The following EYS variants were observed in gnomAD, a reference collection of about 807,000 sequenced individuals.
EYS encodes the protein EGF-like photoreceptor maintenance factor.
Under a neutral mutation model 282.1 loss-of-function variants are expected in EYS, and 250 were observed. The observed-to-expected ratio is 0.89, with a 90% CI of 0.80 to 0.98. The LOEUF (loss-of-function observed/expected upper bound fraction) is 0.98. EYS is among the 50% of genes least tolerant of loss of function. The pLI, the probability that EYS is intolerant of heterozygous loss-of-function variation, is 0.00. For synonymous variants in EYS, 1,355 were observed against 1,282.9 expected, an observed-to-expected ratio of 1.06 and a Z score of -1.20; for missense variants, 4,016 against 3,709.0, an observed-to-expected ratio of 1.08 and a Z score of -2.15.
At chr6:65,139,151 A>ATCCG (rs775942500) in intron 12 of EYS, among the ~76,000 whole-genome samples, 4 of 152,110 alleles carry the variant, frequency 2.6e-5, no homozygotes, top group Non-Finnish European at 5.9e-5. Flanking sequence ...TCGCAGCACT[A>ATCCG]TTCACAATAG....
intron 33 of EYS, among the ~76,000 whole-genome samples, chr6:64,011,149 G>A (rs892422896): frequency 3.3e-5 from 5 of 151,756 alleles, no homozygotes; most frequent in Non-Finnish European, 5.9e-5. Context: ...TTGCTGCTTT[G>A]CATATTTGTC....
intron 2 of EYS, among the ~76,000 whole-genome samples, chr6:65,604,004 G>T (rs1168470225): frequency 1.3e-5 from 2 of 151,192 alleles, no homozygotes; most frequent in African/African-American, 2.4e-5. Flanking sequence ...TTCTTTTCAG[G>T]TACTTATATG....
intron 26 of EYS, among the ~76,000 whole-genome samples, chr6:64,451,540 G>A (rs887417438): frequency 6.6e-6 from 1 of 152,050 alleles, no homozygotes; most frequent in African/African-American, 2.4e-5. Flanking sequence ...ACCAAAGCCT[G>A]GCAAAGACAC....
At chr6:63,994,758 T>C (rs1767759793) in intron 34 of EYS, among the ~76,000 whole-genome samples, 1 of 151,986 alleles carries the variant, frequency 6.6e-6, no homozygotes, top group Admixed American at 6.6e-5. Flanking sequence ...ATGTTTTCTT[T>C]TGTTTCTTCT....
chr6:64,293,686 A>T (rs989597604), intron 30 of EYS, among the ~76,000 whole-genome samples: 4 of 152,116 alleles, frequency 2.6e-5, no homozygotes, highest in African/African-American at 7.2e-5. Context: ...AGTATTTTTT[A>T]AAATTATCCA....
intron 22 of EYS, among the ~76,000 whole-genome samples, chr6:64,685,244 C>T (rs1327289854): frequency 6.6e-6 from 1 of 152,006 alleles, no homozygotes; most frequent in Non-Finnish European, 1.5e-5. Context: ...TAAATATGCA[C>T]ATACTTAAAA....
In EYS at chr6:63,886,856, G is replaced by A. The variant is rs116712252; in HGVS notation, c.7056-22498C>T. On this transcript the variant is annotated intron_variant, in intron 35 of 42. Transcript: ENST00000503581. Reference sequence around the variant, plus strand: ...ACAATAGTGAGAGTTTCAGAGTGTCGAATATTACCATGGAAGGAAACTGGC... The same window carrying A: ...ACAATAGTGAGAGTTTCAGAGTGTCAAATATTACCATGGAAGGAAACTGGC... Among the ~76,000 whole-genome samples the A allele has an allele frequency of 5.2e-3, 789 of 152,234 alleles. 2 individuals carry two copies. Among genetic ancestry groups the A allele is most frequent in the Middle Eastern group, 0.01 (3 of 294 alleles).
At chr6:64,083,888 C>A (rs1045219405) in intron 31 of EYS, among the ~76,000 whole-genome samples, 11 of 152,246 alleles carry the variant, frequency 7.2e-5, no homozygotes, top group Admixed American at 2.0e-4. Context: ...CAGTCATGTG[C>A]CACCATGCCT....
intron 15 of EYS, among the ~76,000 whole-genome samples, chr6:64,943,110 C>T (rs540176318): frequency 2.0e-5 from 3 of 152,118 alleles, no homozygotes; most frequent in Admixed American, 1.3e-4. Flanking sequence ...AAACAAAAAA[C>T]ACATGATGAT....
chr6:64,171,484 A>G (rs1436956153), intron 31 of EYS, among the ~76,000 whole-genome samples: 1 of 151,900 alleles, frequency 6.6e-6, no homozygotes, highest in Non-Finnish European at 1.5e-5. Context: ...TATGCTTTAC[A>G]TAAAAAATCA....
intron 11 of EYS, chr6:65,329,662 C>A (rs1339542815): frequency 1.0e-6 from 1 of 981,966 alleles, no homozygotes; most frequent in East Asian, 1.1e-4. Context: ...AATAAATAAA[C>A]CTAAAACCAA....
chr6:65,236,865 G>A (rs17641139), intron 12 of EYS, among the ~76,000 whole-genome samples: 29,752 of 152,054 alleles, frequency 0.2, 3,225 homozygotes, highest in Middle Eastern at 0.25. Flanking sequence ...AGCATTTGTA[G>A]ATTAAATCTC....
intron 2 of EYS, among the ~76,000 whole-genome samples, chr6:65,556,387 T>TTGTGTGTGTGTGTGTGTGTGTGTGTGTG (rs10602177): frequency 6.7e-6 from 1 of 148,820 alleles, no homozygotes; most frequent in African/African-American, 2.5e-5. Flanking sequence ...ACTGCTGGGT[T>TTGTGTGTGTGTGTGTGTGTGTGTGTGTG]TGTGTGTGTG....
chr6:64,754,322 A>G (rs2149972488), intron 22 of EYS, among the ~76,000 whole-genome samples: 1 of 152,216 alleles, frequency 6.6e-6, no homozygotes, highest in Non-Finnish European at 1.5e-5. Context: ...ACAGACCAAT[A>G]AAAAGGAGTG....
At chr6:64,032,136 C>T (rs1769878960) in intron 33 of EYS, among the ~76,000 whole-genome samples, 1 of 152,140 alleles carries the variant, frequency 6.6e-6, no homozygotes, top group Admixed American at 6.5e-5. Flanking sequence ...GTAACACTCA[C>T]TGCAAAGGTC....
intron 12 of EYS, among the ~76,000 whole-genome samples, chr6:65,287,743 A>AT (rs1768408464): frequency 6.6e-6 from 1 of 151,178 alleles, no homozygotes; most frequent in Non-Finnish European, 1.5e-5. Context: ...AAAGTCACAA[A>AT]TTTTCTGCTT....
intron 31 of EYS, among the ~76,000 whole-genome samples, chr6:64,157,127 A>C (rs955387326): frequency 3.5e-5 from 5 of 142,592 alleles, no homozygotes; most frequent in African/African-American, 1.3e-4. Flanking sequence ...CCCACCTATG[A>C]GTGAGAATAT....
At chr6:65,626,923 A>AC (rs1392683401) in intron 2 of EYS, among the ~76,000 whole-genome samples, 5 of 151,998 alleles carry the variant, frequency 3.3e-5, no homozygotes, top group African/African-American at 4.8e-5. Flanking sequence ...ACACACACAC[A>AC]AAAAACTGTC....
intron 14 of EYS, among the ~76,000 whole-genome samples, chr6:64,952,097 C>A (rs1261843869): frequency 2.0e-5 from 3 of 151,934 alleles, no homozygotes; most frequent in African/African-American, 7.2e-5. Flanking sequence ...TTCAAAGGGA[C>A]ACAAAGATCA....
Sources: allele counts gnomAD v4.1 joint callset (sites outside exome capture counted in the v4.1 genomes callset), GRCh38; gene constraint gnomAD v4.1.1; transcripts MANE v1.5; gene names NCBI Gene and HGNC (gene_info 2026-07-23, HGNC 2026-07-21).